The following SOX6 variants were observed in gnomAD, a reference collection of about 807,000 sequenced individuals.
The protein encoded by SOX6 is SRY-box transcription factor 6.
In SOX6, 11 loss-of-function variants were observed where a neutral mutation model predicts 97.8. The ratio of observed to expected loss-of-function variants is 0.11; its 90% confidence interval spans 0.07 to 0.19. The LOEUF is 0.19. SOX6 is among the 10% of genes least tolerant of loss of function. The pLI is 1.00. For missense variants in SOX6, 810 were observed against 1,039.5 expected (o/e 0.78, Z 3.04); for synonymous variants, 360 against 371.4 (o/e 0.97, Z 0.35).
At chr11:16,225,809 C>G (rs1852672221) in intron 4 of SOX6, among the ~76,000 whole-genome samples, 1 of 152,158 alleles carries the variant, frequency 6.6e-6, no homozygotes. Flanking sequence ...GCAATCAAAA[C>G]TAAAAATGAA....
At chr11:15,983,155 T>G (rs574636682) in intron 15 of SOX6, among the ~76,000 whole-genome samples, 3 of 152,140 alleles carry the variant, frequency 2.0e-5, no homozygotes, top group African/African-American at 7.2e-5. Flanking sequence ...GCCAGATACA[T>G]ACATGAATAG....
intron 3 of SOX6, among the ~76,000 whole-genome samples, chr11:16,258,830 T>C (rs990324442): frequency 9.3e-5 from 14 of 149,806 alleles, no homozygotes; most frequent in East Asian, 7.9e-4. Flanking sequence ...TACATGTATA[T>C]ACACACACAC....
At chr11:16,689,300 A>G (rs184435920) in intron 3 of SOX6, among the ~76,000 whole-genome samples, 104 of 152,216 alleles carry the variant, frequency 6.8e-4, no homozygotes, top group African/African-American at 2.4e-3. Flanking sequence ...CTCTAGCCAC[A>G]CTGACCTCCC....
At chr11:16,050,890 G>C (rs1007241915) in intron 10 of SOX6, among the ~76,000 whole-genome samples, 1 of 152,002 alleles carries the variant, frequency 6.6e-6, no homozygotes, top group Admixed American at 6.6e-5. Context: ...AAATAAAATT[G>C]TCGGCAAATG....
intron 12 of SOX6, among the ~76,000 whole-genome samples, chr11:16,015,596 T>C (rs1394147194): frequency 1.3e-5 from 2 of 151,998 alleles, no homozygotes; most frequent in East Asian, 3.9e-4. Flanking sequence ...TTCTGGGAAC[T>C]GAAAAGGAGG....
In SOX6 at chr11:15,972,597, A is replaced by AAAC. The variant is rs965529767; in HGVS notation, c.*209_*211dup. 6.7e-5 allele frequency: 40 copies of AAAC among 598,480 alleles called. No homozygotes were observed. Among genetic ancestry groups the AAAC allele is most frequent in the South Asian group, 5.7e-4 (27 of 47,172 alleles). The allele number at this position is 598,480 out of a possible 1,614,324, so 37.1% of individuals were successfully genotyped here. A position where few individuals can be genotyped will look rare whatever the true frequency, so the allele number is the denominator to read the frequency against. ...TAATATGTCTTCACCTAAATTAAAA[A>AAAC]AACAACAACAACAACAATAACAATA... On this transcript the variant is annotated 3_prime_UTR_variant, in exon 16 of 16. Coordinates refer to ENST00000683767, the MANE Select transcript of SOX6 (RefSeq NM_001367873.1).
intron 4 of SOX6, among the ~76,000 whole-genome samples, chr11:16,570,396 G>GA (rs11382860): frequency 0.26 from 39,402 of 149,378 alleles, 5,778 homozygotes; most frequent in East Asian, 0.48. Context: ...GTTTTTCAAT[G>GA]AAAAAAAAAA....
At chr11:16,089,903 T>A (rs1186358277) in intron 9 of SOX6, among the ~76,000 whole-genome samples, 3 of 152,130 alleles carry the variant, frequency 2.0e-5, no homozygotes, top group Non-Finnish European at 4.4e-5. Flanking sequence ...AAGTGAAGCA[T>A]TTTCTAAAAT....
At chr11:16,036,063 A>G (rs1247896363) in intron 12 of SOX6, among the ~76,000 whole-genome samples, 2 of 148,832 alleles carry the variant, frequency 1.3e-5, no homozygotes, top group Admixed American at 1.3e-4. Flanking sequence ...GGGCTCTTTT[A>G]GCTCTGATTC....
At chr11:16,486,805 G>A (rs962607575) in intron 4 of SOX6, among the ~76,000 whole-genome samples, 7 of 152,024 alleles carry the variant, frequency 4.6e-5, no homozygotes, top group South Asian at 4.1e-4. Context: ...CCAAGATTGC[G>A]CCACTGCACT....
intron 6 of SOX6, among the ~76,000 whole-genome samples, chr11:16,140,244 AC>A (rs1384771088): frequency 4.6e-5 from 7 of 152,108 alleles, no homozygotes; most frequent in Non-Finnish European, 7.4e-5. Context: ...CTGAGCTGCC[AC>A]CCAACTCAGG....
At chr11:16,604,936 G>T (rs973146319) in intron 4 of SOX6, among the ~76,000 whole-genome samples, 7 of 152,184 alleles carry the variant, frequency 4.6e-5, no homozygotes, top group Admixed American at 6.5e-5. Flanking sequence ...GCCCGGCACC[G>T]AGCTAATCTG....
intron 9 of SOX6, among the ~76,000 whole-genome samples, chr11:16,095,769 T>C (rs767980403): frequency 2.0e-5 from 3 of 151,806 alleles, no homozygotes; most frequent in African/African-American, 4.8e-5. Context: ...TGTGAATATA[T>C]ATGGCAAAGA....
intron 3 of SOX6, among the ~76,000 whole-genome samples, chr11:16,642,525 CA>C (rs1411514130): frequency 6.6e-6 from 1 of 152,164 alleles, no homozygotes; most frequent in African/African-American, 2.4e-5. Flanking sequence ...AACTTGGTTC[CA>C]TTCTCCCCGT....
At chr11:16,467,811 AC>A (rs1362138677) in intron 1 of SOX6, among the ~76,000 whole-genome samples, 1 of 152,104 alleles carries the variant, frequency 6.6e-6, no homozygotes, top group East Asian at 1.9e-4. Context: ...AAACAAACAA[AC>A]AAAAAGACAT....
At chr11:16,570,173 C>A (rs1847922553) in intron 4 of SOX6, among the ~76,000 whole-genome samples, 2 of 152,096 alleles carry the variant, frequency 1.3e-5, no homozygotes, top group Non-Finnish European at 2.9e-5. Flanking sequence ...AAGGTACAGT[C>A]TTACCACATA....
At chr11:16,557,884 T>C (rs1435632620) in intron 4 of SOX6, among the ~76,000 whole-genome samples, 1 of 151,868 alleles carries the variant, frequency 6.6e-6, no homozygotes, top group Non-Finnish European at 1.5e-5. Flanking sequence ...TTTTGTTACA[T>C]AGCTACAACA....
chr11:16,671,105 C>T (rs554799680), intron 3 of SOX6, among the ~76,000 whole-genome samples: 3 of 152,252 alleles, frequency 2.0e-5, no homozygotes, highest in African/African-American at 7.2e-5. Context: ...CTGCACAAAG[C>T]CTCAGCCCTG....
intron 4 of SOX6, among the ~76,000 whole-genome samples, chr11:16,570,926 A>G (rs1367317579): frequency 6.6e-6 from 1 of 152,210 alleles, no homozygotes; most frequent in African/African-American, 2.4e-5. Context: ...ATATTTTTAC[A>G]GGATTATTGC....
Sources: allele counts gnomAD v4.1 joint callset (sites outside exome capture counted in the v4.1 genomes callset), GRCh38; gene constraint gnomAD v4.1.1; transcripts MANE v1.5; gene names NCBI Gene and HGNC (gene_info 2026-07-23, HGNC 2026-07-21).